CTNNA2: variants seen among roughly 807,000 people sequenced by gnomAD.
CTNNA2 encodes catenin alpha-2.
In CTNNA2, 42 loss-of-function variants were observed where a neutral mutation model predicts 101.0. The observed-to-expected ratio is 0.42, with a 90% CI of 0.32 to 0.54. The LOEUF is 0.54. Among genes scored for constraint, CTNNA2 ranks in the 20% least tolerant of loss-of-function variants. The pLI is 0.14. For missense variants in CTNNA2, 871 were observed against 1,223.1 expected (o/e 0.71, Z 4.29); for synonymous variants, 450 against 456.4 (o/e 0.99, Z 0.18).
intron 7 of CTNNA2, among the ~76,000 whole-genome samples, chr2:80,149,035 T>A (rs575487779): frequency 4.1e-4 from 62 of 151,634 alleles, no homozygotes; most frequent in Middle Eastern, 3.4e-3. Flanking sequence ...TTTTTTTTTT[T>A]TTTTTTTTTT....
chr2:80,403,971 A>C (rs1026432138), intron 8 of CTNNA2, among the ~76,000 whole-genome samples: 1 of 152,180 alleles, frequency 6.6e-6, no homozygotes, highest in African/African-American at 2.4e-5. Flanking sequence ...ACTTGGTGGT[A>C]GTGGATAAAC....
At chr2:79,338,584 T>A (rs1196410390) in intron 3 of CTNNA2, among the ~76,000 whole-genome samples, 1 of 125,364 alleles carries the variant, frequency 8.0e-6, no homozygotes, top group Non-Finnish European at 1.6e-5. Context: ...CATCATCTTC[T>A]TCTTCTTCTT....
At chr2:79,584,668 C>T (rs1296569048) in intron 1 of CTNNA2, among the ~76,000 whole-genome samples, 1 of 151,926 alleles carries the variant, frequency 6.6e-6, no homozygotes, top group Non-Finnish European at 1.5e-5. Flanking sequence ...TACAGGCACA[C>T]ACCACCACGT....
intron 2 of CTNNA2, among the ~76,000 whole-genome samples, chr2:79,308,954 A>G (rs77349493): frequency 3.6e-4 from 54 of 152,090 alleles, no homozygotes; most frequent in Non-Finnish European, 6.5e-4. Flanking sequence ...TTTTCTCCAT[A>G]TTGAAAACAG....
At chr2:79,306,909 T>A (rs1405832522) in intron 2 of CTNNA2, among the ~76,000 whole-genome samples, 2 of 152,160 alleles carry the variant, frequency 1.3e-5, no homozygotes, top group East Asian at 3.9e-4. Context: ...GCCATTCTGG[T>A]TTTGCCTTTT....
intron 7 of CTNNA2, among the ~76,000 whole-genome samples, chr2:80,183,453 T>C (rs893720119): frequency 1.3e-5 from 2 of 152,218 alleles, no homozygotes; most frequent in Non-Finnish European, 2.9e-5. Context: ...AAAAATGCTG[T>C]GTAAAAAGAA....
intron 15 of CTNNA2, chr2:80,603,606 T>G (rs2149773816): frequency 6.6e-6 from 1 of 152,356 alleles, no homozygotes; most frequent in East Asian, 1.9e-4. Flanking sequence ...TTGGCTAGAG[T>G]CTGCTTAAAA....
At chr2:80,129,325 C>T (rs1239703466) in intron 7 of CTNNA2, among the ~76,000 whole-genome samples, 1 of 152,184 alleles carries the variant, frequency 6.6e-6, no homozygotes, top group Non-Finnish European at 1.5e-5. Flanking sequence ...CCTCCATGCT[C>T]AGTAGCCTCT....
intron 1 of CTNNA2, among the ~76,000 whole-genome samples, chr2:79,522,192 T>C (rs190895209): frequency 4.5e-4 from 69 of 152,238 alleles, no homozygotes; most frequent in Admixed American, 1.4e-3. Flanking sequence ...TCTAGTATTC[T>C]CCTGTGTCAT....
chr2:79,871,056 A>G lies in CTNNA2; in HGVS notation c.585+1121A>G, dbSNP rs534432255. Among the ~76,000 whole-genome samples the G allele has an allele frequency of 2.6e-5, 4 of 152,320 alleles. No homozygotes were observed. In the South Asian group the frequency reaches 6.2e-4, roughly 24 times the overall value. The stretch of plus-strand genomic sequence containing the variant: ...GTGGGTTTTTATTCTTTCGCCATAG[A>G]AAAAATATTTCCAAATGTGGAAGGA... On this transcript the variant is annotated intron_variant, in intron 5 of 18. Coordinates refer to ENST00000402739, the MANE Select transcript of CTNNA2 (RefSeq NM_001282597.3).
intron 7 of CTNNA2, among the ~76,000 whole-genome samples, chr2:80,368,145 G>A (rs565947406): frequency 5.3e-5 from 8 of 151,966 alleles, no homozygotes; most frequent in Non-Finnish European, 1.2e-4. Flanking sequence ...CACTGTTTTG[G>A]CATATATTTA....
intron 4 of CTNNA2, among the ~76,000 whole-genome samples, chr2:79,400,662 T>A (rs1301435864): frequency 6.6e-6 from 1 of 151,876 alleles, no homozygotes; most frequent in Non-Finnish European, 1.5e-5. Flanking sequence ...TAGAACCTCA[T>A]CAGGCACACT....
intron 7 of CTNNA2, among the ~76,000 whole-genome samples, chr2:80,048,498 G>A (rs1696671126): frequency 6.6e-6 from 1 of 152,146 alleles, no homozygotes; most frequent in Non-Finnish European, 1.5e-5. Context: ...ATGAGAGTCA[G>A]CATAATTCTC....
At chr2:79,529,504 G>A (rs749587538) in intron 1 of CTNNA2, among the ~76,000 whole-genome samples, 5 of 152,034 alleles carry the variant, frequency 3.3e-5, no homozygotes, top group Non-Finnish European at 5.9e-5. Flanking sequence ...AACAGGAGGT[G>A]ACAGTTATAG....
At chr2:79,933,555 T>C (rs1421972618) in intron 7 of CTNNA2, among the ~76,000 whole-genome samples, 1 of 151,850 alleles carries the variant, frequency 6.6e-6, no homozygotes, top group African/African-American at 2.4e-5. Flanking sequence ...CCCGGGTTCA[T>C]GCCATTCTCC....
chr2:79,818,736 GT>G (rs1466420015), intron 3 of CTNNA2, among the ~76,000 whole-genome samples: 1 of 149,030 alleles, frequency 6.7e-6, no homozygotes, highest in African/African-American at 2.5e-5. Context: ...ATTATGCAAA[GT>G]TTTTTTCTGT....
chr2:80,046,611 A>G (rs1696543072), intron 7 of CTNNA2, among the ~76,000 whole-genome samples: 1 of 152,174 alleles, frequency 6.6e-6, no homozygotes, highest in South Asian at 2.1e-4. Flanking sequence ...TACTTGTTCT[A>G]GCAGAAGATG....
At chr2:79,522,981 T>C (rs1672201391) in intron 1 of CTNNA2, among the ~76,000 whole-genome samples, 1 of 152,184 alleles carries the variant, frequency 6.6e-6, no homozygotes, top group Admixed American at 6.5e-5. Context: ...AACTATTCAG[T>C]GAACATTTGG....
intron 3 of CTNNA2, among the ~76,000 whole-genome samples, chr2:79,785,641 C>T (rs1384544816): frequency 6.6e-6 from 1 of 152,014 alleles, no homozygotes; most frequent in African/African-American, 2.4e-5. Flanking sequence ...AATATTTAAT[C>T]CATGGGGGCA....
Sources: gnomAD v4.1 joint callset for allele counts (sites outside exome capture counted in the v4.1 genomes callset) on GRCh38, gnomAD v4.1.1 for gene constraint, MANE v1.5 for transcripts, NCBI Gene and HGNC (gene_info 2026-07-23, HGNC 2026-07-21) for gene names.